PAM: variants seen among roughly 807,000 people sequenced by gnomAD.
The protein encoded by PAM is peptidylglycine alpha-amidating monooxygenase.
A neutral mutation model predicts 122.1 loss-of-function variants in PAM; 72 were observed. The ratio of observed to expected loss-of-function variants is 0.59; its 90% confidence interval spans 0.49 to 0.72. The LOEUF (loss-of-function observed/expected upper bound fraction) is 0.72. PAM is among the 30% of genes least tolerant of loss of function. The pLI is 0.00. For synonymous variants in PAM, 389 were observed against 404.4 expected, an observed-to-expected ratio of 0.96 and a Z score of 0.46; for missense variants, 1,106 against 1,183.7, an observed-to-expected ratio of 0.93 and a Z score of 0.96.
chr5:102,839,146 C>T (rs761204350), intron 1 of PAM, among the ~76,000 whole-genome samples: 8 of 152,132 alleles, frequency 5.3e-5, no homozygotes, highest in Non-Finnish European at 1.2e-4. Context: ...CCCAGAAGCC[C>T]TCTCTATGTA....
chr5:102,841,023 C>T (rs1459828143), intron 1 of PAM, among the ~76,000 whole-genome samples: 3 of 120,462 alleles, frequency 2.5e-5, no homozygotes, highest in Non-Finnish European at 3.3e-5. Context: ...AAGAAACATA[C>T]TCTTTATGTG....
chr5:102,889,974 T>A (rs1255819278), intron 3 of PAM, among the ~76,000 whole-genome samples: 1 of 151,982 alleles, frequency 6.6e-6, no homozygotes, highest in Non-Finnish European at 1.5e-5. Context: ...TTTTTATATC[T>A]ATTTTTATGC....
At chr5:102,926,538 T>C in intron 6 of PAM, 47 bp from the exon 7 acceptor site, 2 of 1,048,972 alleles carry the variant, frequency 1.9e-6, no homozygotes, top group Non-Finnish European at 3.0e-6. Flanking sequence ...ATTAACTCCA[T>C]TTTAGATGCT....
At chr5:102,923,461 T>C (rs1164228547) in intron 5 of PAM, among the ~76,000 whole-genome samples, 1 of 152,226 alleles carries the variant, frequency 6.6e-6, no homozygotes, top group Non-Finnish European at 1.5e-5. Flanking sequence ...TCCTTTATAG[T>C]CTTCAAGCTT....
At chr5:102,851,153 T>G (rs1781274007) in intron 1 of PAM, among the ~76,000 whole-genome samples, 1 of 152,200 alleles carries the variant, frequency 6.6e-6, no homozygotes, top group Non-Finnish European at 1.5e-5. Context: ...TTGCTTTCCC[T>G]TAGAATTTTT....
chr5:102,962,440 A>G (rs576932328), intron 14 of PAM, among the ~76,000 whole-genome samples: 4 of 151,990 alleles, frequency 2.6e-5, no homozygotes, highest in Admixed American at 1.3e-4. Context: ...CAGACTTTCA[A>G]TGAATTATTT....
At chr5:102,885,750 T>A (rs1189542673) in intron 3 of PAM, among the ~76,000 whole-genome samples, 1 of 152,026 alleles carries the variant, frequency 6.6e-6, no homozygotes, top group African/African-American at 2.4e-5. Flanking sequence ...AATACTGTTC[T>A]ACTATCTAAC....
At chr5:102,975,331 A>C (rs758670521) in intron 15 of PAM, among the ~76,000 whole-genome samples, 3 of 152,176 alleles carry the variant, frequency 2.0e-5, no homozygotes, top group Non-Finnish European at 4.4e-5. Flanking sequence ...AAATTATTCA[A>C]CACCCAGCTG....
chr5:102,945,766 T>G (rs1400740960), intron 7 of PAM, among the ~76,000 whole-genome samples: 1 of 147,546 alleles, frequency 6.8e-6, no homozygotes, highest in African/African-American at 2.5e-5. Flanking sequence ...GTACAGTTCT[T>G]AACTGTCTGA....
At chr5:102,758,742 T>G (rs1751401251) in intron 1 of PAM, among the ~76,000 whole-genome samples, 1 of 152,200 alleles carries the variant, frequency 6.6e-6, no homozygotes, top group South Asian at 2.1e-4. Context: ...CAGCATTAAA[T>G]GAGCTAATCC....
At chr5:102,956,206 G>A (rs1016282898) in intron 12 of PAM, among the ~76,000 whole-genome samples, 1 of 152,000 alleles carries the variant, frequency 6.6e-6, no homozygotes, top group Admixed American at 6.6e-5. Flanking sequence ...AGAAAATCAC[G>A]TGTGTAAAGG....
intron 1 of PAM, among the ~76,000 whole-genome samples, chr5:102,767,821 A>G (rs1754552791): frequency 6.6e-6 from 1 of 152,136 alleles, no homozygotes. Flanking sequence ...ATTAGATTTC[A>G]CTGCTGTTGT....
intron 1 of PAM, among the ~76,000 whole-genome samples, chr5:102,853,531 A>G (rs1336134889): frequency 1.3e-5 from 2 of 152,250 alleles, no homozygotes; most frequent in Non-Finnish European, 2.9e-5. Context: ...TATTTTATCC[A>G]TTGATAACGC....
chr5:103,005,124 G>A (rs764004289), intron 17 of PAM, 30 bp from the exon 18 acceptor site: 2 of 1,330,830 alleles, frequency 1.5e-6, no homozygotes, highest in South Asian at 1.2e-5. Flanking sequence ...GAGTAAATGT[G>A]TAATTAACAC....
chr5:102,881,660 CAG>C (rs1473385166), intron 3 of PAM, among the ~76,000 whole-genome samples: 18 of 150,676 alleles, frequency 1.2e-4, no homozygotes, highest in African/African-American at 4.1e-4. Context: ...AAACAAACCA[CAG>C]AGTCATGTGC....
At chr5:102,850,013 G>T (rs1780969149) in intron 1 of PAM, among the ~76,000 whole-genome samples, 1 of 151,986 alleles carries the variant, frequency 6.6e-6, no homozygotes, top group Non-Finnish European at 1.5e-5. Context: ...TTCAAAACTT[G>T]ATATATATCC....
intron 14 of PAM, among the ~76,000 whole-genome samples, chr5:102,966,173 G>A (rs1000865346): frequency 6.6e-6 from 1 of 151,976 alleles, no homozygotes; most frequent in Non-Finnish European, 1.5e-5. Flanking sequence ...GGTTTCTTAT[G>A]ATTTATGAGC....
At chr5:102,996,602 G>A (rs760439324) in intron 16 of PAM, among the ~76,000 whole-genome samples, 3 of 152,144 alleles carry the variant, frequency 2.0e-5, no homozygotes, top group Non-Finnish European at 2.9e-5. Flanking sequence ...CCATGTAACC[G>A]TCAGGGACCA....
At chr5:102,841,464 G>A (rs1237365883) in intron 1 of PAM, among the ~76,000 whole-genome samples, 2 of 150,400 alleles carry the variant, frequency 1.3e-5, no homozygotes, top group East Asian at 2.0e-4. Flanking sequence ...ATCAGAACAT[G>A]TGCAGTCTGC....
Sources: allele counts gnomAD v4.1 joint callset (sites outside exome capture counted in the v4.1 genomes callset), GRCh38; gene constraint gnomAD v4.1.1; transcripts MANE v1.5; gene names NCBI Gene and HGNC (gene_info 2026-07-23, HGNC 2026-07-21).